The following RTL4 variants were observed in gnomAD, a reference collection of about 807,000 sequenced individuals.
The protein encoded by RTL4 is retrotransposon Gag like 4.
Under a neutral mutation model 5.3 loss-of-function variants are expected in RTL4, and 4 were observed. The ratio of observed to expected loss-of-function variants is 0.75; its 90% CI spans 0.37 to 1.72. The LOEUF is 1.72. Among genes scored for constraint, RTL4 ranks in the 40% most tolerant of loss-of-function variants. The pLI, the probability that RTL4 is intolerant of heterozygous loss-of-function variation, is 0.04. For missense variants in RTL4, 260 were observed against 227.1 expected, an observed-to-expected ratio of 1.14 and a Z score of -0.93; for synonymous variants, 98 against 87.3, an observed-to-expected ratio of 1.12 and a Z score of -0.68.
At chrX:112,255,889 C>T in the RTL4 span, among the ~76,000 whole-genome samples, 10 of 111,397 alleles carry the variant, frequency 9.0e-5, no homozygotes, top group Non-Finnish European at 1.5e-4. Context: ...ATGAAATGAC[C>T]GTAATACTCT....
chrX:112,248,770 C>T, the RTL4 span, among the ~76,000 whole-genome samples: 1 of 111,811 alleles, frequency 8.9e-6, no homozygotes, highest in African/African-American at 3.3e-5. Flanking sequence ...TGAAAATAGG[C>T]TAGGGGGTAG....
the RTL4 span, among the ~76,000 whole-genome samples, chrX:112,099,395 G>A: frequency 9.0e-6 from 1 of 111,521 alleles, no homozygotes; most frequent in Admixed American, 9.6e-5. Context: ...TGTCAGTCAG[G>A]GTAGGCTTCA....
the RTL4 span, among the ~76,000 whole-genome samples, chrX:112,114,102 A>G: frequency 9.0e-6 from 1 of 111,142 alleles, no homozygotes; most frequent in Non-Finnish European, 1.9e-5. Flanking sequence ...ACGGGAGTGT[A>G]TTTTTCTAAG....
chrX:112,259,862 A>C, the RTL4 span, among the ~76,000 whole-genome samples: 1 of 111,815 alleles, frequency 8.9e-6, no homozygotes, highest in Non-Finnish European at 1.9e-5. Context: ...CCCACTCAAC[A>C]CTTTCCTAAT....
the RTL4 span, among the ~76,000 whole-genome samples, chrX:112,115,262 C>T: frequency 9.0e-6 from 1 of 111,357 alleles, no homozygotes; most frequent in Non-Finnish European, 1.9e-5. Context: ...TGGCCCTTAC[C>T]AATGCATTCT....
chrX:112,384,103 A>G, the RTL4 span, among the ~76,000 whole-genome samples: 2 of 112,286 alleles, frequency 1.8e-5, no homozygotes, highest in Admixed American at 9.4e-5. Context: ...TAAGGACATG[A>G]TTAATTTTAT....
At chrX:112,330,564 GAAAATGGCCATACTGCCCAAGGTAATTT>G in the RTL4 span, among the ~76,000 whole-genome samples, 1 of 110,835 alleles carries the variant, frequency 9.0e-6, no homozygotes, top group African/African-American at 3.3e-5. Flanking sequence ...TCAATATCAT[GAAAATGGCCATACTGCCCAAGGTAATTT>G]ACAGATTCAA....
chrX:112,141,147 TATTC>T, the RTL4 span, among the ~76,000 whole-genome samples: 6 of 112,268 alleles, frequency 5.3e-5, no homozygotes, highest in African/African-American at 1.9e-4. Flanking sequence ...TTGTCAAATT[TATTC>T]CTAAGTACTT....
At chrX:112,298,064 G>A in the RTL4 span, among the ~76,000 whole-genome samples, 1 of 111,632 alleles carries the variant, frequency 9.0e-6, no homozygotes, top group South Asian at 3.8e-4. Flanking sequence ...ATAGTGGAGC[G>A]ATTCAGAATC....
At chrX:112,262,346 A>G in the RTL4 span, among the ~76,000 whole-genome samples, 2 of 112,221 alleles carry the variant, frequency 1.8e-5, no homozygotes, top group Admixed American at 9.4e-5. Flanking sequence ...CAAATTTACA[A>G]GAAAAAAACA....
At chrX:112,096,013 A>C in the RTL4 span, among the ~76,000 whole-genome samples, 706 of 111,767 alleles carry the variant, frequency 6.3e-3, 6 homozygotes, top group African/African-American at 0.021. Context: ...TTAGGAGGCT[A>C]TTTAGCCAAA....
chrX:112,359,493 C>G, the RTL4 span, among the ~76,000 whole-genome samples: 5 of 108,846 alleles, frequency 4.6e-5, no homozygotes, highest in African/African-American at 1.7e-4. Flanking sequence ...TTTTCACCAC[C>G]TCCTTGCTGC....
the RTL4 span, among the ~76,000 whole-genome samples, chrX:112,282,485 G>A: frequency 9.0e-6 from 1 of 111,354 alleles, no homozygotes; most frequent in East Asian, 2.8e-4. Context: ...GGTCTTTTGT[G>A]GTTCCATATG....
the RTL4 span, among the ~76,000 whole-genome samples, chrX:112,112,120 C>T: frequency 8.9e-6 from 1 of 112,152 alleles, no homozygotes; most frequent in African/African-American, 3.2e-5. Flanking sequence ...TATCCATAAA[C>T]AGGGAAGCCA....
At chrX:112,094,519 G>T in the RTL4 span, among the ~76,000 whole-genome samples, 1 of 110,845 alleles carries the variant, frequency 9.0e-6, no homozygotes, top group African/African-American at 3.3e-5. Flanking sequence ...TCACCATATA[G>T]ATAGTAAAGC....
the RTL4 span, among the ~76,000 whole-genome samples, chrX:112,222,303 C>T: frequency 3.6e-5 from 4 of 111,293 alleles, no homozygotes; most frequent in African/African-American, 1.3e-4. Flanking sequence ...CAATGGGGGA[C>T]AGGATATACA....
At chrX:112,087,940 A>G in the RTL4 span, among the ~76,000 whole-genome samples, 3 of 111,010 alleles carry the variant, frequency 2.7e-5, no homozygotes, top group African/African-American at 9.8e-5. Flanking sequence ...CAATTTAGTG[A>G]CATTCAGTAT....
chrX:112,155,086 A>G, the RTL4 span, among the ~76,000 whole-genome samples: 1 of 110,660 alleles, frequency 9.0e-6, no homozygotes. Context: ...GCAGACCCTC[A>G]CCAGACACCA....
the RTL4 span, among the ~76,000 whole-genome samples, chrX:112,344,474 G>T: frequency 9.0e-6 from 1 of 111,573 alleles, no homozygotes; most frequent in Non-Finnish European, 1.9e-5. Context: ...GGCACGTCTT[G>T]CATGGCAGGA....
Sources: gnomAD v4.1 joint callset for allele counts (sites outside exome capture counted in the v4.1 genomes callset) on GRCh38, gnomAD v4.1.1 for gene constraint, MANE v1.5 for transcripts, NCBI Gene and HGNC (gene_info 2026-07-23, HGNC 2026-07-21) for gene names.